The following PCCA variants were observed in gnomAD, a reference collection of about 807,000 sequenced individuals.
PCCA encodes propionyl-CoA carboxylase alpha chain, mitochondrial.
Under a neutral mutation model 101.3 loss-of-function variants are expected in PCCA, and 74 were observed. The observed-to-expected ratio is 0.73, with a 90% CI of 0.61 to 0.89. The LOEUF (loss-of-function observed/expected upper bound fraction) is 0.89, where lower values mean the gene tolerates loss of function less well. Among genes scored for constraint, PCCA ranks in the 40% least tolerant of loss-of-function variants. The probability of loss-of-function intolerance (pLI) is 0.00; values close to 1 mark genes in which losing one functional copy is unlikely to be tolerated. For missense variants in PCCA, 891 were observed against 907.0 expected (o/e 0.98, Z 0.23); for synonymous variants, 294 against 313.6 (o/e 0.94, Z 0.66).
At chr13:100,449,509 C>A (rs1314865144) in intron 21 of PCCA, among the ~76,000 whole-genome samples, 1 of 152,100 alleles carries the variant, frequency 6.6e-6, no homozygotes, top group Non-Finnish European at 1.5e-5. Flanking sequence ...TTTTTTGAGA[C>A]AGAGTCTCAC....
chr13:100,161,943 T>C (rs1285084706), intron 6 of PCCA, among the ~76,000 whole-genome samples: 1 of 152,204 alleles, frequency 6.6e-6, no homozygotes, highest in Non-Finnish European at 1.5e-5. Flanking sequence ...TTTTTGAGAA[T>C]GTAAAATGCT....
intron 12 of PCCA, among the ~76,000 whole-genome samples, chr13:100,285,728 A>G (rs189192545): frequency 3.3e-4 from 50 of 152,258 alleles, no homozygotes; most frequent in African/African-American, 1.0e-3. Flanking sequence ...TGGGGAACCA[A>G]TTGACCATGA....
At chr13:100,378,009 T>C (rs1197280009) in intron 19 of PCCA, among the ~76,000 whole-genome samples, 1 of 152,176 alleles carries the variant, frequency 6.6e-6, no homozygotes, top group East Asian at 1.9e-4. Context: ...TGTGTTTGCC[T>C]TACCAGTAGG....
intron 12 of PCCA, among the ~76,000 whole-genome samples, chr13:100,292,458 A>G (rs1018197731): frequency 6.6e-6 from 1 of 152,212 alleles, no homozygotes; most frequent in Non-Finnish European, 1.5e-5. Context: ...AAATGAGTTT[A>G]TATAGTTTAC....
At chr13:100,126,954 G>C (rs536749757) in intron 4 of PCCA, among the ~76,000 whole-genome samples, 1 of 152,196 alleles carries the variant, frequency 6.6e-6, no homozygotes, top group Non-Finnish European at 1.5e-5. Context: ...GTCAGTATTA[G>C]TGGTCAGCAG....
At chr13:100,146,215 A>G (rs1363622204) in intron 4 of PCCA, among the ~76,000 whole-genome samples, 1 of 149,230 alleles carries the variant, frequency 6.7e-6, no homozygotes. Flanking sequence ...TGCTGGGATT[A>G]CAGGCGTGAG....
chr13:100,127,736 C>CAA (rs914992432), intron 4 of PCCA, among the ~76,000 whole-genome samples: 9 of 151,486 alleles, frequency 5.9e-5, no homozygotes, highest in Non-Finnish European at 1.2e-4. Flanking sequence ...ACTAAAAATA[C>CAA]AAAAAGTTAG....
chr13:100,161,091 TTTATC>T (rs2054420302), intron 6 of PCCA: 1 of 152,218 alleles, frequency 6.6e-6, no homozygotes, highest in Non-Finnish European at 1.5e-5. Flanking sequence ...ATTGTGCTCT[TTTATC>T]TTCTTTCTTT....
At position 100,307,297 on chromosome 13, in the gene PCCA, C is replaced by T. The variant is rs373174084; in HGVS notation, c.1353+37C>T. 4.0e-5 allele frequency: 54 copies of T among 1,343,276 alleles called. No homozygotes were observed. The Middle Eastern group carries it at 5.6e-4, about 14-fold the overall frequency. The allele number at this position is 1,343,276 out of a possible 1,614,324, so 83.2% of individuals were successfully genotyped here. A position where few individuals can be genotyped will look rare whatever the true frequency, so the allele number is the denominator to read the frequency against. On this transcript the variant is annotated intron_variant, in intron 15 of 23. Transcript: ENST00000376285. ...TTCTCAATGGATTATTTGATTTCTT[C>T]GAAAAATCAATGATATTTAAAGAGT...
chr13:100,348,720 T>A (rs887698426), intron 18 of PCCA, among the ~76,000 whole-genome samples: 13 of 150,180 alleles, frequency 8.7e-5, no homozygotes, highest in Admixed American at 2.0e-4. Flanking sequence ...TACTTTCCGT[T>A]TTTTTTCCTT....
intron 4 of PCCA, chr13:100,150,419 G>A: frequency 2.3e-6 from 1 of 428,306 alleles, no homozygotes; most frequent in East Asian, 4.4e-5. Flanking sequence ...CATTGTATAT[G>A]TTTATTTATA....
At chr13:100,384,078 T>C (rs1595693512) in intron 19 of PCCA, among the ~76,000 whole-genome samples, 1 of 150,900 alleles carries the variant, frequency 6.6e-6, no homozygotes, top group Non-Finnish European at 1.5e-5. Flanking sequence ...CAGGCAGGAG[T>C]GCAGAGGCAC....
intron 21 of PCCA, among the ~76,000 whole-genome samples, chr13:100,503,494 C>G (rs1006726262): frequency 6.6e-6 from 1 of 151,460 alleles, no homozygotes; most frequent in African/African-American, 2.4e-5. Context: ...CCATCCCCCC[C>G]CAAAAAAGAA....
At chr13:100,263,112 T>G (rs971960452) in intron 10 of PCCA, among the ~76,000 whole-genome samples, 5 of 152,224 alleles carry the variant, frequency 3.3e-5, no homozygotes, top group African/African-American at 4.8e-5. Flanking sequence ...CCTGGACTCC[T>G]GTGCTACTTC....
intron 1 of PCCA, among the ~76,000 whole-genome samples, chr13:100,095,654 C>T (rs1334086343): frequency 6.6e-6 from 1 of 152,018 alleles, no homozygotes; most frequent in African/African-American, 2.4e-5. Flanking sequence ...CCAAGGAGTG[C>T]CAGGGCAAAA....
At chr13:100,112,475 T>A (rs922591114) in intron 4 of PCCA, among the ~76,000 whole-genome samples, 2 of 152,060 alleles carry the variant, frequency 1.3e-5, no homozygotes, top group African/African-American at 4.8e-5. Flanking sequence ...GCTGAAAGTT[T>A]GACAAAAATG....
chr13:100,142,960 A>G (rs932281628), intron 4 of PCCA, among the ~76,000 whole-genome samples: 4 of 151,944 alleles, frequency 2.6e-5, no homozygotes, highest in Non-Finnish European at 4.4e-5. Context: ...AGGTGATTTG[A>G]TCTCCCCTGA....
intron 8 of PCCA, among the ~76,000 whole-genome samples, chr13:100,251,598 A>G (rs2061758779): frequency 1.3e-5 from 2 of 152,210 alleles, no homozygotes; most frequent in Non-Finnish European, 2.9e-5. Context: ...ATTAAAGTTC[A>G]TTTTTAATAA....
At position 100,381,304 on chromosome 13, in the gene PCCA, G is replaced by A. The variant is rs1025103625; in HGVS notation, c.1746+12730G>A. ...CTTGGGAGGCTGAGGCAGGAGAATG[G>A]CATGAACCCGGGAGGTGGAGCTTGC... On this transcript the variant is annotated intron_variant, in intron 19 of 23. Coordinates refer to ENST00000376285, the MANE Select transcript of PCCA (RefSeq NM_000282.4). 2.0e-5 allele frequency among the ~76,000 whole-genome samples: 3 copies of A among 151,832 alleles called. No homozygotes were observed. The South Asian group carries it at 6.2e-4, about 31-fold the overall frequency.
Sources: allele counts gnomAD v4.1 joint callset (sites outside exome capture counted in the v4.1 genomes callset), GRCh38; gene constraint gnomAD v4.1.1; transcripts MANE v1.5; gene names NCBI Gene and HGNC (gene_info 2026-07-23, HGNC 2026-07-21).